GTSE1: variants seen among roughly 807,000 people sequenced by gnomAD.
The protein encoded by GTSE1 is G2 and S-phase expressed 1, also known as G2 and S phase-expressed protein 1.
A neutral mutation model predicts 60.5 loss-of-function variants in GTSE1; 52 were observed. The ratio of observed to expected loss-of-function variants is 0.86; its 90% CI spans 0.69 to 1.08. The LOEUF is 1.08. GTSE1 is among the 50% of genes least tolerant of loss of function. GTSE1 has a pLI of 0.00. For missense variants in GTSE1, 937 were observed against 961.8 expected, an observed-to-expected ratio of 0.97 and a Z score of 0.34; for synonymous variants, 368 against 386.5, an observed-to-expected ratio of 0.95 and a Z score of 0.56.
intron 2 of GTSE1, among the ~76,000 whole-genome samples, chr22:46,300,253 G>A (rs770813587): frequency 5.3e-5 from 8 of 151,798 alleles, no homozygotes; most frequent in East Asian, 1.9e-4. Context: ...ATGAGCCACC[G>A]TGCCCAGCTA....
chr22:46,313,719 G>A lies in GTSE1; in HGVS notation c.928-171G>A, dbSNP rs1305873241. Reference sequence around the variant, plus strand: ...AGACAAGGTTTCACCATATTGGCCAGGCTGGTCTCAAACTCCTGACCTTGT... The same window carrying A: ...AGACAAGGTTTCACCATATTGGCCAAGCTGGTCTCAAACTCCTGACCTTGT... On this transcript the variant is annotated intron_variant, in intron 5 of 11. Transcript: ENST00000454366. This position sits in a 1 kb window ranked among gnomAD's most constrained non-coding sequence, Gnocchi z 4.4. 1.3e-5 allele frequency among the ~76,000 whole-genome samples: 2 copies of A among 152,192 alleles called. No individual in the cohort carries two copies. The highest frequency in any genetic ancestry group is 4.8e-5 in the African/African-American group (2 of 41,444).
rs1216484176 is a variant in GTSE1, at chr22:46,324,106, G to A, written c.1505+844G>A. ...AGTAGGGATGGCCCAAGCTCAGCTG[G>A]GGCCACTTGCAAGTCTTTTGGTGAC... On this transcript the variant is annotated intron_variant, in intron 8 of 11. Transcript: ENST00000454366. This position sits in a 1 kb window ranked among gnomAD's most constrained non-coding sequence, Gnocchi z 5.2. Among the ~76,000 whole-genome samples the A allele has an allele frequency of 6.6e-6, 1 of 152,186 alleles. No individual in the cohort carries two copies. The highest frequency in any genetic ancestry group is 1.5e-5 in the Non-Finnish European group (1 of 68,042).
At chr22:46,299,189 T>C (rs2077675066) in intron 2 of GTSE1, among the ~76,000 whole-genome samples, 2 of 152,236 alleles carry the variant, frequency 1.3e-5, no homozygotes, top group African/African-American at 4.8e-5. Flanking sequence ...CTCTGGCTGG[T>C]GTATCTTTTC....
At chr22:46,323,315 A>G (rs761035920) in intron 8 of GTSE1, 53 bp downstream of exon 8, 5 of 1,324,574 alleles carry the variant, frequency 3.8e-6, no homozygotes, top group Admixed American at 1.7e-5. Context: ...TGACTCACGC[A>G]TCTGCTTACC....
chr22:46,313,358 C>T lies in GTSE1; in HGVS notation c.928-532C>T, dbSNP rs1289177046. ...TGACTCATGGGGTCTGGGTTGGGGC[C>T]CCAAATCTGCATTTCTGCTAGCTCC... On this transcript the variant is annotated intron_variant, in intron 5 of 11. Transcript: ENST00000454366. This position sits in a 1 kb window ranked among gnomAD's most constrained non-coding sequence, Gnocchi z 4.4. Among the ~76,000 whole-genome samples, 2 of 152,016 alleles carry T rather than the reference C, an allele frequency of 1.3e-5. No homozygotes were observed. The highest frequency in any genetic ancestry group is 4.8e-5 in the African/African-American group (2 of 41,378).
At chr22:46,303,956 C>T (rs2077703129) in intron 2 of GTSE1, among the ~76,000 whole-genome samples, 1 of 152,098 alleles carries the variant, frequency 6.6e-6, no homozygotes, top group South Asian at 2.1e-4. Context: ...GAGCAGGGCC[C>T]CAGCCTACCC....
At chr22:46,306,430 C>G (rs1307276133) in intron 2 of GTSE1, among the ~76,000 whole-genome samples, 2 of 151,614 alleles carry the variant, frequency 1.3e-5, no homozygotes, top group Non-Finnish European at 2.9e-5. Flanking sequence ...ATCCGCCCGC[C>G]TCGGCCTCCC....
chr22:46,298,772 C>T (rs1351130928), intron 2 of GTSE1, among the ~76,000 whole-genome samples: 1 of 152,224 alleles, frequency 6.6e-6, no homozygotes, highest in Non-Finnish European at 1.5e-5. Flanking sequence ...ACTGCACCCC[C>T]TGCTCCTTCT....
In GTSE1 at chr22:46,308,150, A is replaced by T. The variant is rs771137859; in HGVS notation, c.80A>T (p.Asp27Val). The change falls in exon 3 of 12, where the codon GAC (aspartate) becomes GTC (valine). Residue 27 changes from aspartate (D) to valine (V), a missense_variant and splice_region_variant. By Grantham distance (152) the Asp-to-Val change is radical. Coordinates refer to ENST00000454366, the MANE Select transcript of GTSE1 (RefSeq NM_016426.7). The part of the protein sequence containing the change: ...DVNMDDPKKE[D>V]ILLLADEKFD... ...ATAACAGTGGATTTTTTCCCTCTAG[A>T]CATTCTTCTTTTGGCCGATGAAAAA... 1 of 1,606,048 alleles carries T rather than the reference A, an allele frequency of 6.2e-7. No individual in the cohort carries two copies. Among genetic ancestry groups the T allele is most frequent in the African/African-American group, 1.3e-5 (1 of 74,714 alleles).
Position 46,324,691 on chromosome 22 carries a change from T to G in GTSE1, c.1505+1429T>G, listed in dbSNP as rs572161493. Among the ~76,000 whole-genome samples, 2 of 152,192 alleles carry G rather than the reference T, an allele frequency of 1.3e-5. No homozygotes were observed. Among genetic ancestry groups the G allele is most frequent in the South Asian group, 4.2e-4 (2 of 4,812 alleles). Reference sequence around the variant, plus strand: ...CGGAATTTTTATTTTCACTGGAATTTGTGGTGGGGCTGCCAGAACTTAGCA... The same window carrying G: ...CGGAATTTTTATTTTCACTGGAATTGGTGGTGGGGCTGCCAGAACTTAGCA... On this transcript the variant is annotated intron_variant, in intron 8 of 11. Transcript: ENST00000454366. This position sits in a 1 kb window ranked among gnomAD's most constrained non-coding sequence, Gnocchi z 5.2.
Position 46,314,151 on chromosome 22 carries a change from C to A in GTSE1, c.1051+138C>A. The A allele has an allele frequency of 2.8e-6, 3 of 1,055,148 alleles. No individual in the cohort carries two copies. Among genetic ancestry groups the A allele is most frequent in the Non-Finnish European group, 4.2e-6 (3 of 720,556 alleles). 65.4% of individuals were successfully genotyped at this position (1,055,148 alleles called of 1,614,324 possible). ...CGGAGGGCGTGCTGTGTGCGGTGGA[C>A]CAGGCTGTGGACTGAGTTGCTGTAC... On this transcript the variant is annotated intron_variant, in intron 6 of 11. Coordinates refer to ENST00000454366, the MANE Select transcript of GTSE1 (RefSeq NM_016426.7). The surrounding 1 kb of genome is among the most constrained non-coding windows in gnomAD (Gnocchi z 7.1).
chr22:46,323,447 T>C (rs559695064), intron 8 of GTSE1, among the ~76,000 whole-genome samples, 185 bp downstream of exon 8: 1 of 152,322 alleles, frequency 6.6e-6, no homozygotes, highest in East Asian at 1.9e-4. Context: ...ACTTAAGACA[T>C]CTGAGACTTC....
chr22:46,308,977 C>G lies in GTSE1; in HGVS notation c.762+34C>G, dbSNP rs143271063. 3.7e-4 allele frequency: 578 copies of G among 1,573,370 alleles called. 3 individuals carry two copies. In the African/African-American group the frequency reaches 5.2e-3, roughly 14 times the overall value. On this transcript the variant is annotated intron_variant, in intron 4 of 11. Coordinates refer to ENST00000454366, the MANE Select transcript of GTSE1 (RefSeq NM_016426.7). ...CACAGCAGAGCGCCTGCCTGGGGAG[C>G]CCCCACTCCTTGCCCCTCAGCCCTC...
At position 46,317,135 on chromosome 22, in the gene GTSE1, T is replaced by C. The variant is rs538491836; in HGVS notation, c.1432+723T>C. 1.3e-5 allele frequency among the ~76,000 whole-genome samples: 2 copies of C among 152,182 alleles called. No homozygotes were observed. Among genetic ancestry groups the C allele is most frequent in the African/African-American group, 4.8e-5 (2 of 41,534 alleles). Reference sequence around the variant, plus strand: ...CACCACCACACCCGGCTAATTTTTTTTTTGTATTTTTGGTAGAGACGGGGT... The same window carrying C: ...CACCACCACACCCGGCTAATTTTTTCTTTGTATTTTTGGTAGAGACGGGGT... On this transcript the variant is annotated intron_variant, in intron 7 of 11. Coordinates refer to ENST00000454366, the MANE Select transcript of GTSE1 (RefSeq NM_016426.7). This position sits in a 1 kb window ranked among gnomAD's most constrained non-coding sequence, Gnocchi z 5.6.
intron 2 of GTSE1, among the ~76,000 whole-genome samples, chr22:46,305,325 A>G (rs978631375): frequency 1.3e-5 from 2 of 152,166 alleles, no homozygotes; most frequent in African/African-American, 2.4e-5. Context: ...TAAATAAAAA[A>G]TAGACTGGAT....
intron 9 of GTSE1, 98 bp downstream of exon 9, chr22:46,326,752 G>C: frequency 1.3e-6 from 1 of 748,104 alleles, no homozygotes; most frequent in South Asian, 2.1e-5. Flanking sequence ...AGGTTTTAGT[G>C]AAGTAAATAG....
Position 46,309,945 on chromosome 22 carries a change from G to A in GTSE1, c.762+1002G>A, listed in dbSNP as rs2147818823. On this transcript the variant is annotated intron_variant, in intron 4 of 11. Transcript: ENST00000454366. The surrounding 1 kb of genome is among the most constrained non-coding windows in gnomAD (Gnocchi z 6.2). ...TGCATGTAGCACGCGTGGACTCGGG[G>A]AGAGAGGTGGTGTGATTTGGGCTGC... 6.6e-6 allele frequency among the ~76,000 whole-genome samples: 1 copy of A among 152,360 alleles called. No homozygotes were observed. The highest frequency in any genetic ancestry group is 2.4e-5 in the African/African-American group (1 of 41,582).
rs551490317 is a variant in GTSE1, at chr22:46,314,850, C to CAA, written c.1051+853_1051+854dup. On this transcript the variant is annotated intron_variant, in intron 6 of 11. Transcript: ENST00000454366. The surrounding 1 kb of genome is among the most constrained non-coding windows in gnomAD (Gnocchi z 7.1). ...GAGATTGCATCACTGCACTCCGTCT[C>CAA]AAAAAAAAAAAAAAAAATGATAAGT... is the stretch of plus-strand genomic sequence containing the variant. Among the ~76,000 whole-genome samples the CAA allele has an allele frequency of 0.01, 1,008 of 96,708 alleles. 9 individuals carry two copies. Among genetic ancestry groups the CAA allele is most frequent in the African/African-American group, 0.031 (944 of 30,340 alleles). 63.4% of individuals were successfully genotyped at this position (96,708 alleles called of 152,430 possible). A position where few individuals can be genotyped will look rare whatever the true frequency, so the allele number is the denominator to read the frequency against.
In GTSE1 at chr22:46,329,930, C is replaced by A; in HGVS notation, c.2137-117C>A. The A allele has an allele frequency of 1.4e-6, 1 of 705,554 alleles. No homozygotes were observed. The highest frequency in any genetic ancestry group is 1.6e-5 in the South Asian group (1 of 63,502). 43.7% of individuals were successfully genotyped at this position (705,554 alleles called of 1,614,324 possible). A position where few individuals can be genotyped will look rare whatever the true frequency, so the allele number is the denominator to read the frequency against. On this transcript the variant is annotated intron_variant, in intron 11 of 11. Coordinates refer to ENST00000454366, the MANE Select transcript of GTSE1 (RefSeq NM_016426.7). The surrounding 1 kb of genome is among the most constrained non-coding windows in gnomAD (Gnocchi z 6.4). ...TGGCCCAGAGTGCTTTTCAGTGCAC[C>A]CGAGCCAGGATGAGCGAGTGGCTGT...
Sources: gnomAD v4.1 joint callset for allele counts (sites outside exome capture counted in the v4.1 genomes callset) on GRCh38, gnomAD v4.1.1 for gene constraint, Gnocchi (gnomAD v3.1) non-coding constraint, MANE v1.5 for transcripts, NCBI Gene and HGNC (gene_info 2026-07-23, HGNC 2026-07-21) for gene names.